The following NRXN3 variants were observed in gnomAD, a reference collection of about 807,000 sequenced individuals.
NRXN3 encodes neurexin 3, also known as neurexin III.
In NRXN3, 32 loss-of-function variants were observed where a neutral mutation model predicts 137.6. That is an observed-to-expected ratio of 0.23 (90% CI 0.18 to 0.31). The LOEUF (loss-of-function observed/expected upper bound fraction) is 0.31. NRXN3 is among the 10% of genes least tolerant of loss of function. The pLI, the probability that NRXN3 is intolerant of heterozygous loss-of-function variation, is 1.00. For synonymous variants in NRXN3, 798 were observed against 784.5 expected (o/e 1.02, Z -0.29); for missense variants, 1,574 against 2,062.5 (o/e 0.76, Z 4.59).
At chr14:79,323,101 A>G (rs988260072) in intron 15 of NRXN3, among the ~76,000 whole-genome samples, 1 of 152,186 alleles carries the variant, frequency 6.6e-6, no homozygotes, top group African/African-American at 2.4e-5. Flanking sequence ...TGGCGCAATC[A>G]TAGCTCACTG....
chr14:78,845,209 C>G (rs2099023269), intron 10 of NRXN3, among the ~76,000 whole-genome samples: 1 of 152,012 alleles, frequency 6.6e-6, no homozygotes, highest in African/African-American at 2.4e-5. Context: ...CTTTCTATAT[C>G]TGCAAGTCAA....
chr14:78,487,485 G>A (rs566052485), intron 4 of NRXN3, among the ~76,000 whole-genome samples: 3 of 152,294 alleles, frequency 2.0e-5, no homozygotes, highest in Admixed American at 6.5e-5. Context: ...GCTCACACCT[G>A]TAATCCCAAC....
intron 15 of NRXN3, among the ~76,000 whole-genome samples, chr14:79,070,222 A>G (rs1490752155): frequency 1.3e-5 from 2 of 152,184 alleles, no homozygotes; most frequent in Non-Finnish European, 2.9e-5. Context: ...CCTTGACAGT[A>G]AAACAAACAC....
intron 15 of NRXN3, among the ~76,000 whole-genome samples, chr14:79,110,112 G>C (rs948576475): frequency 1.3e-5 from 2 of 152,044 alleles, no homozygotes; most frequent in South Asian, 2.1e-4. Flanking sequence ...TTTGTATTAT[G>C]TTATATTATT....
chr14:79,500,073 A>T (rs991315939), intron 16 of NRXN3, among the ~76,000 whole-genome samples: 8 of 151,868 alleles, frequency 5.3e-5, no homozygotes, highest in Non-Finnish European at 1.0e-4. Context: ...ATCTAGACTT[A>T]TGTGCGTATT....
intron 15 of NRXN3, among the ~76,000 whole-genome samples, chr14:79,135,637 A>G (rs906163259): frequency 6.6e-6 from 1 of 152,234 alleles, no homozygotes; most frequent in African/African-American, 2.4e-5. Flanking sequence ...TAACATCAAG[A>G]GGACAGTTGT....
intron 16 of NRXN3, among the ~76,000 whole-genome samples, chr14:79,631,004 G>C (rs1324067053): frequency 6.6e-6 from 1 of 152,154 alleles, no homozygotes; most frequent in Non-Finnish European, 1.5e-5. Flanking sequence ...ACAGCACTCT[G>C]ATTTTAGCCA....
In NRXN3 at chr14:78,242,939, A is replaced by C. The variant is rs1272524106; in HGVS notation, c.-155A>C. On this transcript the variant is annotated 5_prime_UTR_variant, in exon 2 of 21. Coordinates refer to ENST00000335750, the MANE Select transcript of NRXN3 (RefSeq NM_001330195.2). The stretch of plus-strand genomic sequence containing the variant: ...TTGTACACTTTCCTCCATCTCCACT[A>C]TCTCAGGATCTGTGTGTGTGCTGCC... 6.7e-6 allele frequency: 4 copies of C among 594,508 alleles called. No individual in the cohort carries two copies. Among genetic ancestry groups the C allele is most frequent in the African/African-American group, 5.6e-5 (3 of 53,690 alleles). The allele number at this position is 594,508 out of a possible 1,614,324, so 36.8% of individuals were successfully genotyped here.
intron 15 of NRXN3, among the ~76,000 whole-genome samples, chr14:79,323,159 A>G (rs2090316078): frequency 6.6e-6 from 1 of 152,184 alleles, no homozygotes; most frequent in Non-Finnish European, 1.5e-5. Flanking sequence ...TCAGCCTCCC[A>G]AGTAGCTTGG....
chr14:79,306,136 G>C (rs2086020354), intron 15 of NRXN3, among the ~76,000 whole-genome samples: 1 of 152,096 alleles, frequency 6.6e-6, no homozygotes, highest in African/African-American at 2.4e-5. Flanking sequence ...GAGCTTCTCT[G>C]TGAGCTGGGA....
chr14:78,503,437 T>A lies in NRXN3; in HGVS notation c.758-141683T>A, dbSNP rs2153778238. 1.3e-5 allele frequency among the ~76,000 whole-genome samples: 2 copies of A among 152,200 alleles called. 1 individual carries two copies. Among genetic ancestry groups the A allele is most frequent in the Middle Eastern group, 6.8e-3 (2 of 294 alleles). On this transcript the variant is annotated intron_variant, in intron 4 of 20. Coordinates refer to ENST00000335750, the MANE Select transcript of NRXN3 (RefSeq NM_001330195.2). ...AGGTAGAGGCTCAAGGGGAGACAGA[T>A]GATTGATTGGCTTCAGAGAGGTCTG...
chr14:79,604,551 C>A (rs1271228173), intron 16 of NRXN3, among the ~76,000 whole-genome samples: 2 of 147,496 alleles, frequency 1.4e-5, no homozygotes, highest in Admixed American at 6.7e-5. Context: ...TTTTTTTAAT[C>A]CTTCTACTTT....
At chr14:79,321,203 G>A (rs1049099149) in intron 15 of NRXN3, among the ~76,000 whole-genome samples, 4 of 151,890 alleles carry the variant, frequency 2.6e-5, no homozygotes, top group African/African-American at 4.8e-5. Context: ...ATCTTTCTTT[G>A]TTTATTGTTT....
chr14:79,377,974 A>G (rs1374446866), intron 15 of NRXN3, among the ~76,000 whole-genome samples: 1 of 152,200 alleles, frequency 6.6e-6, no homozygotes, highest in Admixed American at 6.5e-5. Flanking sequence ...TACTCTTACA[A>G]GTTGTCCTTG....
intron 15 of NRXN3, among the ~76,000 whole-genome samples, chr14:79,143,056 A>G (rs2058964222): frequency 6.6e-6 from 1 of 152,126 alleles, no homozygotes; most frequent in East Asian, 1.9e-4. Flanking sequence ...TCTTCATATA[A>G]AAGCAGTTAC....
At chr14:79,445,783 G>A (rs1174314081) in intron 15 of NRXN3, among the ~76,000 whole-genome samples, 1 of 152,174 alleles carries the variant, frequency 6.6e-6, no homozygotes, top group South Asian at 2.1e-4. Context: ...GAAGTATGAG[G>A]CCAGGTAAAG....
chr14:79,453,545 A>T (rs949865746), intron 15 of NRXN3, among the ~76,000 whole-genome samples: 1 of 152,182 alleles, frequency 6.6e-6, no homozygotes, highest in Non-Finnish European at 1.5e-5. Context: ...AATACTAAAT[A>T]TTAAGTACTT....
At chr14:79,219,857 T>C (rs565882889) in intron 15 of NRXN3, among the ~76,000 whole-genome samples, 1 of 152,304 alleles carries the variant, frequency 6.6e-6, no homozygotes, top group South Asian at 2.1e-4. Flanking sequence ...AGAGTTGTTT[T>C]CCCATCAAAA....
At chr14:78,838,326 C>T (rs950565563) in intron 10 of NRXN3, among the ~76,000 whole-genome samples, 2 of 152,098 alleles carry the variant, frequency 1.3e-5, no homozygotes, top group African/African-American at 4.8e-5. Context: ...AATATTACCT[C>T]GTTCTTGTAA....
Sources: gnomAD v4.1 joint callset for allele counts (sites outside exome capture counted in the v4.1 genomes callset) on GRCh38, gnomAD v4.1.1 for gene constraint, MANE v1.5 for transcripts, NCBI Gene and HGNC (gene_info 2026-07-23, HGNC 2026-07-21) for gene names.